CCDC192: variants seen among roughly 807,000 people sequenced by gnomAD.
The protein encoded by CCDC192 is coiled-coil domain containing 192, also known as coiled-coil domain-containing protein 192.
chr5:127,882,566 G>T (rs1050671877), intron 6 of CCDC192, among the ~76,000 whole-genome samples: 5 of 152,154 alleles, frequency 3.3e-5, no homozygotes, highest in Non-Finnish European at 5.9e-5. Flanking sequence ...TAAAGCCATT[G>T]AACTGTACAC....
intron 5 of CCDC192, among the ~76,000 whole-genome samples, chr5:127,801,476 C>T (rs1414984306): frequency 6.6e-6 from 1 of 152,006 alleles, no homozygotes; most frequent in African/African-American, 2.4e-5. Context: ...TCTTCTCCCT[C>T]ACTCCCCTCT....
rs192513921 is a variant in CCDC192 at position 127,936,516 on chromosome 5, T to C, written c.536-4666T>C. ...CCCAATTCCCACCGGCCATCCCCTA[T>C]AGTCTTTTTGCGAGAACTGTACACC... On this transcript the variant is annotated intron_variant, in intron 6 of 6. Coordinates refer to ENST00000514853, the MANE Select transcript of CCDC192 (RefSeq NM_001317938.2). Among the ~76,000 whole-genome samples the C allele has an allele frequency of 2.3e-3, 352 of 152,304 alleles. 1 individual carries two copies. The highest frequency in any genetic ancestry group is 8.0e-3 in the African/African-American group (332 of 41,562).
chr5:127,897,278 G>A (rs773183423), intron 6 of CCDC192, among the ~76,000 whole-genome samples: 1 of 151,166 alleles, frequency 6.6e-6, no homozygotes. Context: ...TCAGCCCCCC[G>A]AGAATAAAAA....
chr5:127,799,301 T>C (rs1227953313), intron 5 of CCDC192, among the ~76,000 whole-genome samples: 1 of 152,224 alleles, frequency 6.6e-6, no homozygotes, highest in Non-Finnish European at 1.5e-5. Context: ...AAAGCTAATC[T>C]GCTGTGGCAG....
intron 6 of CCDC192, among the ~76,000 whole-genome samples, chr5:127,877,611 T>C (rs909547372): frequency 1.2e-4 from 19 of 152,172 alleles, no homozygotes; most frequent in African/African-American, 4.6e-4. Context: ...CCACATTCAA[T>C]AGTCCGGGAG....
chr5:127,750,093 T>A (rs1754048651), intron 2 of CCDC192, among the ~76,000 whole-genome samples: 1 of 152,018 alleles, frequency 6.6e-6, no homozygotes, highest in South Asian at 2.1e-4. Context: ...TTTTGAAGAG[T>A]TTTTTGTGTC....
intron 2 of CCDC192, among the ~76,000 whole-genome samples, chr5:127,752,764 G>C (rs890978486): frequency 9.9e-5 from 15 of 152,222 alleles, no homozygotes; most frequent in African/African-American, 3.6e-4. Flanking sequence ...CAGTCAGCGA[G>C]ACTCCGTGGG....
intron 5 of CCDC192, among the ~76,000 whole-genome samples, chr5:127,874,131 C>A (rs368706164): frequency 2.6e-5 from 4 of 152,236 alleles, no homozygotes; most frequent in African/African-American, 9.6e-5. Context: ...TAATTAGTGC[C>A]ACCTCTTTAC....
chr5:127,805,723 G>A (rs1177184926), intron 5 of CCDC192, among the ~76,000 whole-genome samples: 1 of 152,092 alleles, frequency 6.6e-6, no homozygotes, highest in African/African-American at 2.4e-5. Context: ...ATAAATCTAG[G>A]AAATATTTTT....
intron 5 of CCDC192, among the ~76,000 whole-genome samples, chr5:127,808,869 A>C (rs1428064062): frequency 2.0e-5 from 3 of 152,176 alleles, no homozygotes; most frequent in Admixed American, 2.0e-4. Flanking sequence ...TTGTTCAATG[A>C]ATGAGAATGG....
chr5:127,924,569 G>A (rs762623076), intron 6 of CCDC192, among the ~76,000 whole-genome samples: 11 of 152,224 alleles, frequency 7.2e-5, no homozygotes, highest in Middle Eastern at 3.4e-3. Context: ...GAAGTGATTA[G>A]CATATGACCC....
intron 2 of CCDC192, among the ~76,000 whole-genome samples, chr5:127,753,329 A>G (rs1274112835): frequency 6.6e-6 from 1 of 152,176 alleles, no homozygotes; most frequent in African/African-American, 2.4e-5. Context: ...CTCTAATCTC[A>G]CAAAGGCCTG....
At chr5:127,830,460 C>T (rs866958691) in intron 5 of CCDC192, among the ~76,000 whole-genome samples, 2 of 152,284 alleles carry the variant, frequency 1.3e-5, no homozygotes, top group Middle Eastern at 3.4e-3. Flanking sequence ...CTCTCCTTGG[C>T]TTGCAGGCTT....
chr5:127,891,125 C>T (rs1752719741), intron 6 of CCDC192, among the ~76,000 whole-genome samples: 1 of 152,210 alleles, frequency 6.6e-6, no homozygotes. Flanking sequence ...AATCTCGGCT[C>T]ACTGCAACCT....
chr5:127,887,995 G>T (rs142035435), intron 6 of CCDC192, among the ~76,000 whole-genome samples: 1 of 151,896 alleles, frequency 6.6e-6, no homozygotes, highest in Non-Finnish European at 1.5e-5. Flanking sequence ...GAGCCAGCGC[G>T]CCCAACCTTA....
chr5:127,806,394 C>T (rs1260234551), intron 5 of CCDC192, among the ~76,000 whole-genome samples: 2 of 152,214 alleles, frequency 1.3e-5, no homozygotes, highest in Non-Finnish European at 1.5e-5. Context: ...ACCACCTGTA[C>T]CAATTCCTGC....
intron 3 of CCDC192, among the ~76,000 whole-genome samples, chr5:127,781,633 C>A (rs1309954987): frequency 6.7e-6 from 1 of 148,844 alleles, no homozygotes; most frequent in Non-Finnish European, 1.5e-5. Flanking sequence ...ATTTGATTCT[C>A]CACTTGGTTG....
chr5:127,704,478 G>A (rs1396387002), intron 1 of CCDC192, among the ~76,000 whole-genome samples: 6 of 152,166 alleles, frequency 3.9e-5, no homozygotes, highest in Non-Finnish European at 8.8e-5. Context: ...ATGAGCCACC[G>A]TGCCTGGCCT....
intron 6 of CCDC192, among the ~76,000 whole-genome samples, chr5:127,876,321 A>G (rs1479252754): frequency 1.3e-5 from 2 of 152,172 alleles, no homozygotes; most frequent in Admixed American, 6.5e-5. Flanking sequence ...ATACAGTGCT[A>G]TGGGCCAGGT....
Sources: allele counts gnomAD v4.1 joint callset (sites outside exome capture counted in the v4.1 genomes callset), GRCh38; gene constraint gnomAD v4.1.1; transcripts MANE v1.5; gene names NCBI Gene and HGNC (gene_info 2026-07-23, HGNC 2026-07-21).